PDZD2: variants seen among roughly 807,000 people sequenced by gnomAD.
PDZD2 encodes the protein PDZ domain containing 2, also known as PDZ domain-containing protein 2.
Under a neutral mutation model 220.7 loss-of-function variants are expected in PDZD2, and 90 were observed. That is an observed-to-expected ratio of 0.41 (90% CI 0.34 to 0.49). PDZD2 has a LOEUF of 0.49. PDZD2 is among the 20% of genes least tolerant of loss of function. The pLI, the probability that PDZD2 is intolerant of heterozygous loss-of-function variation, is 0.28. For synonymous variants in PDZD2, 1,375 were observed against 1,450.5 expected, an observed-to-expected ratio of 0.95 and a Z score of 1.18; for missense variants, 3,174 against 3,608.5, an observed-to-expected ratio of 0.88 and a Z score of 3.08.
chr5:31,692,086 G>A (rs138637512), intron 1 of PDZD2, among the ~76,000 whole-genome samples: 8,243 of 152,308 alleles, frequency 0.054, 325 homozygotes, highest in Non-Finnish European at 0.078. Flanking sequence ...GGGGAGGCTC[G>A]GGTGGCACAG....
chr5:31,879,625 C>A (rs1041727189), intron 2 of PDZD2, among the ~76,000 whole-genome samples: 1 of 152,084 alleles, frequency 6.6e-6, no homozygotes, highest in East Asian at 1.9e-4. Context: ...GTTGGTGTTT[C>A]GTGCCTACAT....
intron 6 of PDZD2, among the ~76,000 whole-genome samples, chr5:32,024,962 G>T (rs1754516643): frequency 6.6e-6 from 1 of 152,234 alleles, no homozygotes; most frequent in Non-Finnish European, 1.5e-5. Context: ...CCCCAGGCAT[G>T]TTGGCTGAGC....
At chr5:31,903,439 G>A (rs1742292099) in intron 2 of PDZD2, among the ~76,000 whole-genome samples, 1 of 151,904 alleles carries the variant, frequency 6.6e-6, no homozygotes, top group Non-Finnish European at 1.5e-5. Context: ...TTGAGCCCAG[G>A]AGTTTGAGAC....
intron 2 of PDZD2, among the ~76,000 whole-genome samples, chr5:31,856,685 G>A (rs559293668): frequency 8.5e-5 from 13 of 152,180 alleles, no homozygotes; most frequent in African/African-American, 1.4e-4. Flanking sequence ...GTCACACTTA[G>A]GGATGGTGTC....
chr5:31,676,858 A>G (rs910864843), intron 1 of PDZD2, among the ~76,000 whole-genome samples: 20 of 152,012 alleles, frequency 1.3e-4, no homozygotes, highest in African/African-American at 4.8e-4. Context: ...CCGGCCCTGT[A>G]GAACAATTTC....
intron 5 of PDZD2, among the ~76,000 whole-genome samples, chr5:32,003,011 A>C (rs1752385249): frequency 1.5e-5 from 2 of 135,254 alleles, no homozygotes; most frequent in African/African-American, 5.6e-5. Flanking sequence ...CACACACACC[A>C]CACACCACAT....
At position 31,975,793 on chromosome 5, in the gene PDZD2, C is replaced by CTTTTTTTTTTTTTTTTTTTTTTT. The variant is rs879288343; in HGVS notation, c.477-7353_477-7352insTTTTTTTTTTTTTTTTTTTTTTT. Among the ~76,000 whole-genome samples the CTTTTTTTTTTTTTTTTTTTTTTT allele has an allele frequency of 3.6e-5, 2 of 55,182 alleles. 1 individual carries two copies. 36.2% of individuals were successfully genotyped at this position (55,182 alleles called of 152,430 possible). On this transcript the variant is annotated intron_variant, in intron 2 of 24. Transcript: ENST00000438447. The stretch of plus-strand genomic sequence containing the variant: ...ATGAGCACACTGAAGGTATCAGTCA[C>CTTTTTTTTTTTTTTTTTTTTTTT]TTTTTTTTTATTTATTTTTTTTTTT...
At chr5:31,709,352 G>A (rs1454838871) in intron 1 of PDZD2, among the ~76,000 whole-genome samples, 1 of 151,916 alleles carries the variant, frequency 6.6e-6, no homozygotes, top group African/African-American at 2.4e-5. Context: ...GCTGGGCATG[G>A]TGGTGCATGC....
rs1385913596 is a variant in PDZD2, at chr5:31,989,416, C to CTTTTTTTT, written c.978+5764_978+5765insTTTTTTTT. Among the ~76,000 whole-genome samples, 29 of 120,618 alleles carry CTTTTTTTT rather than the reference C, an allele frequency of 2.4e-4. 2 individuals carry two copies. Among genetic ancestry groups the CTTTTTTTT allele is most frequent in the East Asian group, 2.1e-3 (7 of 3,412 alleles). The allele number at this position is 120,618 out of a possible 152,430, so 79.1% of individuals were successfully genotyped here. A position where few individuals can be genotyped will look rare whatever the true frequency, so the allele number is the denominator to read the frequency against. ...TATTCTGTGGTATATACCACATTTT[C>CTTTTTTTT]TTTTCTTTTTTTTTTTTTTTTTTTG... is the stretch of plus-strand genomic sequence containing the variant. On this transcript the variant is annotated intron_variant, in intron 3 of 24. Transcript: ENST00000438447.
At chr5:31,749,087 G>T (rs78063603) in intron 1 of PDZD2, among the ~76,000 whole-genome samples, 2 of 74,802 alleles carry the variant, frequency 2.7e-5, no homozygotes, top group Non-Finnish European at 5.3e-5. Context: ...TCTATTTCAT[G>T]GGGGGGGGCC....
At chr5:31,947,886 G>C (rs899909284) in intron 2 of PDZD2, among the ~76,000 whole-genome samples, 1 of 151,874 alleles carries the variant, frequency 6.6e-6, no homozygotes, top group Non-Finnish European at 1.5e-5. Context: ...GTAGGGGAGG[G>C]AAAGAGAGGG....
chr5:31,658,703 T>G (rs550225165), intron 1 of PDZD2, among the ~76,000 whole-genome samples: 1 of 151,882 alleles, frequency 6.6e-6, no homozygotes, highest in East Asian at 1.9e-4. Context: ...CACTGCAACC[T>G]CTGCCTCCTG....
At chr5:32,079,546 C>A (rs966423600) in intron 19 of PDZD2, among the ~76,000 whole-genome samples, 1 of 152,042 alleles carries the variant, frequency 6.6e-6, no homozygotes, top group Non-Finnish European at 1.5e-5. Flanking sequence ...GTGGCTCACA[C>A]CTGTAATCCC....
chr5:31,840,602 A>G, intron 2 of PDZD2: 1 of 711,356 alleles, frequency 1.4e-6, no homozygotes, highest in Non-Finnish European at 2.6e-6. Context: ...AGTTGAACCC[A>G]GGTACCTTTC....
intron 23 of PDZD2, chr5:32,099,748 G>A (rs973588246): frequency 2.6e-5 from 4 of 152,252 alleles, no homozygotes; most frequent in Non-Finnish European, 5.9e-5. Context: ...TGGTCCTTCT[G>A]TCATTTATAA....
chr5:32,091,917 C>T (rs997671477), intron 20 of PDZD2, among the ~76,000 whole-genome samples: 1 of 152,034 alleles, frequency 6.6e-6, no homozygotes, highest in Non-Finnish European at 1.5e-5. Context: ...GAGCACAGCA[C>T]GGGGGAATTT....
chr5:31,722,204 C>G (rs1748850081), intron 1 of PDZD2, among the ~76,000 whole-genome samples: 1 of 152,186 alleles, frequency 6.6e-6, no homozygotes, highest in Non-Finnish European at 1.5e-5. Context: ...GCTGGTTTCC[C>G]ATTGCTCTTA....
At chr5:32,048,329 C>T (rs1039979755) in intron 7 of PDZD2, among the ~76,000 whole-genome samples, 3 of 152,128 alleles carry the variant, frequency 2.0e-5, no homozygotes, top group Admixed American at 6.5e-5. Context: ...GCAGTTTTTT[C>T]GTAGCCTGAC....
chr5:31,935,504 C>T lies in PDZD2; in HGVS notation c.477-47651C>T, dbSNP rs185108878. 2.7e-3 allele frequency among the ~76,000 whole-genome samples: 418 copies of T among 152,264 alleles called. 1 individual carries two copies. The highest frequency in any genetic ancestry group is 4.3e-3 in the Non-Finnish European group (291 of 68,028). ...TTCTGGTTTTGCTAGTACTTGTCTA[C>T]AATGGAAGTTGGAAGCTTAGTCGGA... On this transcript the variant is annotated intron_variant, in intron 2 of 24. Coordinates refer to ENST00000438447, the MANE Select transcript of PDZD2 (RefSeq NM_178140.4).
Sources: gnomAD v4.1 joint callset for allele counts (sites outside exome capture counted in the v4.1 genomes callset) on GRCh38, gnomAD v4.1.1 for gene constraint, MANE v1.5 for transcripts, NCBI Gene and HGNC (gene_info 2026-07-23, HGNC 2026-07-21) for gene names.